Variants in PLEKHG1 observed in about 807,000 individuals in gnomAD.
PLEKHG1 encodes pleckstrin homology and RhoGEF domain containing G1, also known as pleckstrin homology domain-containing family G member 1.
A neutral mutation model predicts 100.8 loss-of-function variants in PLEKHG1; 44 were observed. The observed-to-expected ratio is 0.44, with a 90% confidence interval of 0.34 to 0.56. The LOEUF (loss-of-function observed/expected upper bound fraction) is 0.56, where lower values mean the gene tolerates loss of function less well. Among genes scored for constraint, PLEKHG1 ranks in the 20% least tolerant of loss-of-function variants. The pLI, the probability that PLEKHG1 is intolerant of heterozygous loss-of-function variation, is 0.01. For synonymous variants in PLEKHG1, 640 were observed against 662.5 expected, an observed-to-expected ratio of 0.97 and a Z score of 0.52; for missense variants, 1,545 against 1,720.9, an observed-to-expected ratio of 0.90 and a Z score of 1.81.
chr6:150,766,242 A>C (rs777135032), intron 2 of PLEKHG1, among the ~76,000 whole-genome samples: 3 of 152,238 alleles, frequency 2.0e-5, no homozygotes, highest in Non-Finnish European at 4.4e-5. Flanking sequence ...CAAAAGTTTT[A>C]AATTGATCCT....
At chr6:150,646,029 C>T (rs1223171989) in intron 2 of PLEKHG1, among the ~76,000 whole-genome samples, 1 of 152,184 alleles carries the variant, frequency 6.6e-6, no homozygotes, top group Non-Finnish European at 1.5e-5. Flanking sequence ...TATTCAATAA[C>T]ATACTATCCA....
rs572591187 is a variant in PLEKHG1 at position 150,807,015 on chromosome 6, C to T, written c.913-2090C>T. Among the ~76,000 whole-genome samples the T allele has an allele frequency of 1.1e-4, 16 of 152,234 alleles. No individual in the cohort carries two copies. The South Asian group carries it at 2.5e-3, about 24-fold the overall frequency. ...TGCCTACGGCCACTCACCTGTTACT[C>T]AGTAGCTGGCTTGGTTATCAGATCG... is the stretch of plus-strand genomic sequence containing the variant. On this transcript the variant is annotated intron_variant, in intron 7 of 15. Coordinates refer to ENST00000358517, the Ensembl canonical transcript of PLEKHG1.
intron 3 of PLEKHG1, among the ~76,000 whole-genome samples, chr6:150,784,844 A>T (rs946420260): frequency 7.2e-5 from 11 of 152,206 alleles, no homozygotes; most frequent in African/African-American, 2.4e-4. Context: ...GTATACTCTG[A>T]GGCTAACAGG....
intron 10 of PLEKHG1, among the ~76,000 whole-genome samples, chr6:150,812,548 G>A (rs1787593977): frequency 6.6e-6 from 1 of 152,198 alleles, no homozygotes; most frequent in East Asian, 1.9e-4. Context: ...AGAGAAAAGG[G>A]AGAGATCACA....
At chr6:150,644,847 AT>A (rs1004736089) in intron 2 of PLEKHG1, among the ~76,000 whole-genome samples, 9 of 152,150 alleles carry the variant, frequency 5.9e-5, no homozygotes, top group African/African-American at 2.2e-4. Context: ...ACTGGAAGTT[AT>A]TTTTTAAGGC....
intron 1 of PLEKHG1, among the ~76,000 whole-genome samples, chr6:150,621,935 G>C (rs981825161): frequency 6.6e-6 from 1 of 152,154 alleles, no homozygotes. Flanking sequence ...ACCGTGTTGC[G>C]TCCAGAACTG....
intron 6 of PLEKHG1, among the ~76,000 whole-genome samples, chr6:150,803,779 A>C (rs943183623): frequency 5.9e-5 from 9 of 152,248 alleles, no homozygotes; most frequent in Admixed American, 5.2e-4. Flanking sequence ...AGTTTTCGCT[A>C]TATTTTTGAG....
intron 1 of PLEKHG1, among the ~76,000 whole-genome samples, chr6:150,730,168 T>C (rs1031051800): frequency 2.0e-5 from 3 of 152,270 alleles, no homozygotes; most frequent in East Asian, 3.9e-4. Flanking sequence ...TCTGGAGAGA[T>C]AGATTCTTCT....
At chr6:150,729,459 A>T (rs574914116) in intron 1 of PLEKHG1, among the ~76,000 whole-genome samples, 8 of 152,204 alleles carry the variant, frequency 5.3e-5, no homozygotes, top group Non-Finnish European at 1.0e-4. Context: ...GGTGAGTTGC[A>T]TTAGAATAGG....
At chr6:150,705,093 T>C (rs1780950083) in intron 3 of PLEKHG1, among the ~76,000 whole-genome samples, 1 of 152,146 alleles carries the variant, frequency 6.6e-6, no homozygotes, top group African/African-American at 2.4e-5. Flanking sequence ...ATTCAGTCCA[T>C]AGCAGTAATT....
intron 1 of PLEKHG1, among the ~76,000 whole-genome samples, chr6:150,634,472 C>T: frequency 6.6e-6 from 1 of 152,050 alleles, no homozygotes; most frequent in East Asian, 1.9e-4. Flanking sequence ...TTATCCAGTG[C>T]CACACTGACT....
chr6:150,731,168 G>A (rs75748582), intron 1 of PLEKHG1, among the ~76,000 whole-genome samples: 1,687 of 152,276 alleles, frequency 0.011, 31 homozygotes, highest in African/African-American at 0.037. Context: ...CTAAATGCAC[G>A]GCTGCTGATT....
chr6:150,763,590 A>G (rs1784296553), intron 2 of PLEKHG1, among the ~76,000 whole-genome samples: 1 of 151,870 alleles, frequency 6.6e-6, no homozygotes, highest in South Asian at 2.1e-4. Flanking sequence ...GGGGTACCAA[A>G]CCTCAGAACA....
At chr6:150,842,644 T>C (rs907817589) in exon 16 of PLEKHG1, 2 of 152,192 alleles carry the variant, frequency 1.3e-5, no homozygotes, top group Admixed American at 1.3e-4. Context: ...TATTTGAACA[T>C]GATATGAGTT....
At chr6:150,647,699 G>A (rs1778560685) in intron 2 of PLEKHG1, among the ~76,000 whole-genome samples, 1 of 152,108 alleles carries the variant, frequency 6.6e-6, no homozygotes, top group Admixed American at 6.5e-5. Context: ...GTGTAATGAA[G>A]TTTTGTTTTG....
At chr6:150,781,938 A>ATT (rs575472001) in intron 3 of PLEKHG1, among the ~76,000 whole-genome samples, 7 of 143,588 alleles carry the variant, frequency 4.9e-5, no homozygotes, top group South Asian at 2.2e-4. Flanking sequence ...CGCCCGGCTA[A>ATT]TTTTTTTTTT....
chr6:150,813,810 G>T (rs1200848506), intron 10 of PLEKHG1, among the ~76,000 whole-genome samples: 2 of 152,104 alleles, frequency 1.3e-5, no homozygotes, highest in Non-Finnish European at 2.9e-5. Context: ...GGAGGAAAAG[G>T]TCATTAGAAA....
chr6:150,663,327 T>C (rs1779271997), intron 3 of PLEKHG1: 1 of 152,246 alleles, frequency 6.6e-6, no homozygotes, highest in African/African-American at 2.4e-5. Flanking sequence ...TCTCATACAC[T>C]GAACAGTTGT....
rs988143311 is a variant in PLEKHG1, at chr6:150,786,467, G to A, written c.582+8G>A. The A allele has an allele frequency of 6.3e-7, 1 of 1,596,228 alleles. No individual in the cohort carries two copies. The highest frequency in any genetic ancestry group is 1.7e-5 in the Admixed American group (1 of 59,872). On this transcript the variant is annotated splice_region_variant and intron_variant, in intron 4 of 15. Transcript: ENST00000358517. ...GAGTGTTTTGTGTCCAAGGTAAGCA[G>A]GGTTCATCCTTCTGGGCCAACTGAG...
Sources: gnomAD v4.1 joint callset for allele counts (sites outside exome capture counted in the v4.1 genomes callset) on GRCh38, gnomAD v4.1.1 for gene constraint, MANE v1.5 for transcripts, NCBI Gene and HGNC (gene_info 2026-07-23, HGNC 2026-07-21) for gene names.